ARID4B: variants seen among roughly 807,000 people sequenced by gnomAD.
ARID4B encodes the protein AT-rich interactive domain-containing protein 4B.
ARID4B carries 26 observed loss-of-function variants against 147.5 expected under a neutral mutation model. The observed-to-expected ratio is 0.18, with a 90% CI of 0.13 to 0.24. The LOEUF is 0.24. Ranked by LOEUF, ARID4B falls within the 10% of genes least tolerant of loss-of-function variation. ARID4B has a pLI of 1.00. For missense variants in ARID4B, 1,179 were observed against 1,511.5 expected, an observed-to-expected ratio of 0.78 and a Z score of 3.65; for synonymous variants, 512 against 507.9, an observed-to-expected ratio of 1.01 and a Z score of -0.11.
intron 16 of ARID4B, 23 bp downstream of exon 16, chr1:235,219,770 G>GT (rs1558214479): frequency 6.4e-7 from 1 of 1,568,770 alleles, no homozygotes. Flanking sequence ...GAAATGCATC[G>GT]TAACCAAAAA....
At chr1:235,312,871 G>A (rs1674162108) in intron 2 of ARID4B, among the ~76,000 whole-genome samples, 1 of 152,122 alleles carries the variant, frequency 6.6e-6, no homozygotes, top group African/African-American at 2.4e-5. Context: ...TACTCAGGAG[G>A]CTGAGGCACA....
intron 2 of ARID4B, among the ~76,000 whole-genome samples, chr1:235,267,674 T>C (rs1462880829): frequency 2.0e-5 from 3 of 151,848 alleles, no homozygotes; most frequent in African/African-American, 7.3e-5. Context: ...CTACTAAAAA[T>C]ATAAAAAATT....
At chr1:235,231,350 T>C (rs1487520704) in intron 9 of ARID4B, among the ~76,000 whole-genome samples, 161 bp from the exon 10 acceptor site, 1 of 152,180 alleles carries the variant, frequency 6.6e-6, no homozygotes, top group Non-Finnish European at 1.5e-5. Context: ...AAGTCAGAAA[T>C]AACATACAAG....
chr1:235,320,902 T>A (rs999779310), intron 2 of ARID4B, among the ~76,000 whole-genome samples: 1 of 152,212 alleles, frequency 6.6e-6, no homozygotes, highest in African/African-American at 2.4e-5. Context: ...CATTATCACC[T>A]AATCTAAAGT....
chr1:235,237,237 G>A (rs1489178073), intron 8 of ARID4B, among the ~76,000 whole-genome samples: 1 of 151,846 alleles, frequency 6.6e-6, no homozygotes, highest in East Asian at 1.9e-4. Context: ...AGAAAGAATC[G>A]CAAACACTGA....
intron 17 of ARID4B, among the ~76,000 whole-genome samples, chr1:235,211,315 G>T (rs553636774): frequency 6.6e-6 from 1 of 152,236 alleles, no homozygotes; most frequent in Non-Finnish European, 1.5e-5. Flanking sequence ...TGGGCATTAA[G>T]AGTGAAACTC....
intron 6 of ARID4B, among the ~76,000 whole-genome samples, chr1:235,247,683 C>T (rs1344507646): frequency 6.6e-6 from 1 of 152,084 alleles, no homozygotes; most frequent in Non-Finnish European, 1.5e-5. Flanking sequence ...AACCTTAAAT[C>T]AGGCATTTAA....
intron 16 of ARID4B, 127 bp from the exon 17 acceptor site, chr1:235,214,153 A>C: frequency 8.6e-7 from 1 of 1,158,546 alleles, no homozygotes; most frequent in Non-Finnish European, 1.2e-6. Flanking sequence ...CACGTGTATG[A>C]AATTCTCAGA....
chr1:235,236,858 A>AAT (rs1668633720), intron 8 of ARID4B, among the ~76,000 whole-genome samples: 1 of 26,376 alleles, frequency 3.8e-5, no homozygotes. Context: ...ATATATATAT[A>AAT]TATATTTTTT....
At chr1:235,315,693 A>G (rs955730293) in intron 2 of ARID4B, among the ~76,000 whole-genome samples, 1 of 152,180 alleles carries the variant, frequency 6.6e-6, no homozygotes, top group African/African-American at 2.4e-5. Context: ...CAACACTAAC[A>G]TTAATCTGGA....
At chr1:235,214,911 G>A (rs1666957121) in intron 16 of ARID4B, among the ~76,000 whole-genome samples, 1 of 134,058 alleles carries the variant, frequency 7.5e-6, no homozygotes, top group Non-Finnish European at 1.5e-5. Flanking sequence ...GCGCAATCTC[G>A]GCTCACTGCA....
intron 17 of ARID4B, among the ~76,000 whole-genome samples, chr1:235,201,159 TAAATAAA>T (rs576462266): frequency 6.6e-6 from 1 of 151,370 alleles, no homozygotes; most frequent in Non-Finnish European, 1.5e-5. Flanking sequence ...AAAAATAAAA[TAAATAAA>T]AATAAAGTAA....
At chr1:235,208,621 C>T (rs1267817274) in intron 17 of ARID4B, among the ~76,000 whole-genome samples, 3 of 151,978 alleles carry the variant, frequency 2.0e-5, no homozygotes, top group African/African-American at 7.3e-5. Flanking sequence ...TCCTGCCTCA[C>T]CCTACCTAGT....
rs567253100 is a variant in ARID4B, at chr1:235,170,971, G to C, written c.3811+1647C>G. 8.2e-4 allele frequency among the ~76,000 whole-genome samples: 122 copies of C among 149,104 alleles called. 3 individuals carry two copies. The South Asian group carries it at 0.021, about 26-fold the overall frequency. ...CAAGTGGAAGCATAGTTCAGTGTCT[G>C]ACTTTTTTTTAAACAATATATTTTA... is the stretch of plus-strand genomic sequence containing the variant. On this transcript the variant is annotated intron_variant, in intron 23 of 23. Coordinates refer to ENST00000264183, the MANE Select transcript of ARID4B (RefSeq NM_016374.6).
At chr1:235,304,523 G>A (rs1039165727) in intron 2 of ARID4B, among the ~76,000 whole-genome samples, 1 of 152,094 alleles carries the variant, frequency 6.6e-6, no homozygotes, top group Admixed American at 6.6e-5. Context: ...TACTTAAAAA[G>A]TGAACTGTAT....
chr1:235,263,153 T>C (rs1018290065), intron 2 of ARID4B, among the ~76,000 whole-genome samples: 8 of 152,146 alleles, frequency 5.3e-5, no homozygotes, highest in Non-Finnish European at 4.4e-5. Flanking sequence ...GCCAGTAAAA[T>C]TTTATTTTCA....
intron 17 of ARID4B, among the ~76,000 whole-genome samples, chr1:235,200,135 G>A (rs951688179): frequency 1.2e-4 from 18 of 151,142 alleles, no homozygotes; most frequent in African/African-American, 3.2e-4. Flanking sequence ...CCTGGCCAAC[G>A]TGGTGAAACT....
intron 17 of ARID4B, among the ~76,000 whole-genome samples, chr1:235,199,754 T>C (rs1372782668): frequency 1.3e-5 from 2 of 152,146 alleles, no homozygotes; most frequent in Non-Finnish European, 2.9e-5. Flanking sequence ...CCTTACCAAA[T>C]ACAAGCTGAG....
At chr1:235,196,194 A>C in intron 17 of ARID4B, 79 bp from the exon 18 acceptor site, 1 of 671,298 alleles carries the variant, frequency 1.5e-6, no homozygotes, top group Non-Finnish European at 2.4e-6. Flanking sequence ...AGAGAAACTC[A>C]TATAGAATCT....
Sources: allele counts gnomAD v4.1 joint callset (sites outside exome capture counted in the v4.1 genomes callset), GRCh38; gene constraint gnomAD v4.1.1; transcripts MANE v1.5; gene names NCBI Gene and HGNC (gene_info 2026-07-23, HGNC 2026-07-21).